The following ZNF716 variants were observed in gnomAD, a reference collection of about 807,000 sequenced individuals.
ZNF716 encodes the protein zinc finger protein 716.
In ZNF716, 9 loss-of-function variants were observed where a neutral mutation model predicts 13.4. That is an observed-to-expected ratio of 0.67 (90% CI 0.41 to 1.18). The LOEUF (loss-of-function observed/expected upper bound fraction) is 1.18, where lower values mean the gene tolerates loss of function less well. Among genes scored for constraint, ZNF716 ranks in the 50% most tolerant of loss-of-function variants. The pLI is 0.01. For missense variants in ZNF716, 581 were observed against 576.6 expected (o/e 1.01, Z -0.08); for synonymous variants, 186 against 195.2 (o/e 0.95, Z 0.39).
In ZNF716 at chr7:57,471,620, A is replaced by T. The variant is rs1554325304; in HGVS notation, c.*1671A>T. On this transcript the variant is annotated 3_prime_UTR_variant, in exon 4 of 4. Coordinates refer to ENST00000420713, the MANE Select transcript of ZNF716 (RefSeq NM_001159279.1). Reference sequence around the variant, plus strand: ...AACAGATGCTCAAACTTTGTTGAACATCGGAGAATTTATATTGGAGAGAAA... The same window carrying T: ...AACAGATGCTCAAACTTTGTTGAACTTCGGAGAATTTATATTGGAGAGAAA... 1.3e-5 allele frequency: 2 copies of T among 152,216 alleles called. No homozygotes were observed. Among genetic ancestry groups the T allele is most frequent in the African/African-American group, 4.8e-5 (2 of 41,456 alleles). 9.4% of individuals were successfully genotyped at this position (152,216 alleles called of 1,614,324 possible).
At chr7:57,467,101 A>G (rs542796026) in intron 3 of ZNF716, among the ~76,000 whole-genome samples, 1 of 152,194 alleles carries the variant, frequency 6.6e-6, no homozygotes, top group South Asian at 2.1e-4. Flanking sequence ...TTAATTTACA[A>G]CAGTATATTT....
chr7:57,463,582 T>G (rs564941105), intron 3 of ZNF716, among the ~76,000 whole-genome samples: 5 of 152,178 alleles, frequency 3.3e-5, no homozygotes, highest in Non-Finnish European at 7.3e-5. Context: ...TTGGAGGTTG[T>G]CCATTTTTCT....
At chr7:57,458,751 G>T (rs1789651021) in intron 1 of ZNF716, among the ~76,000 whole-genome samples, 1 of 152,096 alleles carries the variant, frequency 6.6e-6, no homozygotes, top group African/African-American at 2.4e-5. Flanking sequence ...TTTATAAATA[G>T]TTATTTAACT....
At chr7:57,461,644 G>T (rs1185091337) in intron 1 of ZNF716, among the ~76,000 whole-genome samples, 2 of 152,068 alleles carry the variant, frequency 1.3e-5, no homozygotes, top group Non-Finnish European at 2.9e-5. Flanking sequence ...CCATTTACTA[G>T]ATGTTTGACA....
At chr7:57,455,939 TG>T (rs1195266321) in intron 1 of ZNF716, among the ~76,000 whole-genome samples, 1 of 151,446 alleles carries the variant, frequency 6.6e-6, no homozygotes, top group Non-Finnish European at 1.5e-5. Context: ...TGGTTTTTTT[TG>T]TTTTTTTGTT....
rs781953250 is a variant in ZNF716, at chr7:57,468,978, A to G, written c.517A>G (p.Asn173Asp). ...AGTCTTTGGTAAATTTTCAAATTCC[A>G]ATAGACACAAGACAAGACATACTGG... ...VKVFGKFSNS[N>D]RHKTRHTGKK... is the part of the protein sequence containing the mutation. The change falls in exon 4 of 4, where the codon AAT (asparagine) becomes GAT (aspartate). Residue 173 changes from asparagine (N) to aspartate (D), a missense_variant. Asn to Asp is a conservative substitution (Grantham distance 23). Transcript: ENST00000420713. 1 of 1,608,150 alleles carries G rather than the reference A, an allele frequency of 6.2e-7. No individual in the cohort carries two copies. The highest frequency in any genetic ancestry group is 1.3e-5 in the African/African-American group (1 of 74,862).
intron 3 of ZNF716, among the ~76,000 whole-genome samples, chr7:57,466,583 A>C (rs561173581): frequency 6.6e-6 from 1 of 152,246 alleles, no homozygotes; most frequent in African/African-American, 2.4e-5. Context: ...GCCTTCCACT[A>C]TAATTGTAAG....
rs1554323322 is a variant in ZNF716 at position 57,462,531 on chromosome 7, G to T, written c.111G>T (p.Gln37His). Residue 37 changes from glutamine to histidine, a missense_variant, in exon 2 of 4, where the codon CAG becomes CAT. Physicochemically the swap from Gln to His is conservative, Grantham distance 24 (BLOSUM62 0). Transcript: ENST00000420713. ...AATGGCAATGCCTGGATCATGCTCA[G>T]CAGAATTTATATAGAGATGTGATGT... ...LAEWQCLDHA[Q>H]QNLYRDVMLE... 6.2e-7 allele frequency: 1 copy of T among 1,613,830 alleles called. No individual in the cohort carries two copies. The highest frequency in any genetic ancestry group is 8.5e-7 in the Non-Finnish European group (1 of 1,179,842).
chr7:57,465,657 T>A (rs11767674), intron 3 of ZNF716, among the ~76,000 whole-genome samples: 52,913 of 152,068 alleles, frequency 0.35, 9,573 homozygotes, highest in Admixed American at 0.42. Flanking sequence ...GCTGATCTTT[T>A]GAAATTTACT....
intron 1 of ZNF716, among the ~76,000 whole-genome samples, chr7:57,456,131 T>A (rs1554322149): frequency 6.6e-6 from 1 of 151,896 alleles, no homozygotes; most frequent in African/African-American, 2.4e-5. Context: ...AATTTTTGTA[T>A]TTTTAGTAGA....
chr7:57,465,703 A>T (rs1789795347), intron 3 of ZNF716, among the ~76,000 whole-genome samples: 1 of 152,210 alleles, frequency 6.6e-6, no homozygotes, highest in Non-Finnish European at 1.5e-5. Flanking sequence ...CACCAGGAGC[A>T]AATAAGAATA....
intron 1 of ZNF716, among the ~76,000 whole-genome samples, chr7:57,456,943 A>G (rs1789603347): frequency 6.6e-6 from 1 of 152,048 alleles, no homozygotes; most frequent in South Asian, 2.1e-4. Flanking sequence ...ACTTAGAGAA[A>G]AGGAATTGTG....
rs11434840 is a variant in ZNF716, at chr7:57,473,523, A to ATAAAT, written c.*3574_*3575insTAAAT. 52 of 151,706 alleles carry ATAAAT rather than the reference A, an allele frequency of 3.4e-4. No homozygotes were observed. Among genetic ancestry groups the ATAAAT allele is most frequent in the Middle Eastern group, 3.4e-3 (1 of 292 alleles). The allele number at this position is 151,706 out of a possible 1,614,324, so 9.4% of individuals were successfully genotyped here. ...TGAAAGAGCGAGAAACCATCTCAAAAAAAAAAATAAATAAATAAAAGATAT... is the reference window on the plus strand; with the variant it reads ...TGAAAGAGCGAGAAACCATCTCAAAATAAATAAAAAAATAAATAAATAAAAGATAT... On this transcript the variant is annotated 3_prime_UTR_variant, in exon 4 of 4. Coordinates refer to ENST00000420713, the MANE Select transcript of ZNF716 (RefSeq NM_001159279.1).
rs1554324497 is a variant in ZNF716 at position 57,468,727 on chromosome 7, C to T, written c.266C>T (p.Thr89Ile). The T allele has an allele frequency of 6.2e-7, 1 of 1,602,468 alleles. No individual in the cohort carries two copies. Among genetic ancestry groups the T allele is most frequent in the Admixed American group, 1.8e-5 (1 of 56,686 alleles). The change falls in exon 4 of 4, where the codon ACA becomes ATA. Residue 89 changes from threonine to isoleucine, a missense_variant. Thr to Ile is a moderately conservative substitution (Grantham distance 89). Coordinates refer to ENST00000420713, the MANE Select transcript of ZNF716 (RefSeq NM_001159279.1). ...TTGTGATTTTTATGTCTTTCAGTTA[C>T]ATGTTCTCATTTCACCCAAGACCTT... ...RNEMVAKHPV[T>I]CSHFTQDLQS... is the part of the protein sequence containing the mutation.
chr7:57,450,390 G>T, intron 1 of ZNF716, 63 bp downstream of exon 1: 1 of 1,613,320 alleles, frequency 6.2e-7, no homozygotes, highest in South Asian at 1.1e-5. Flanking sequence ...ACTGAAAGTG[G>T]CTGTAGCAGG....
At chr7:57,452,643 GA>G (rs1161015636) in intron 1 of ZNF716, among the ~76,000 whole-genome samples, 18 of 150,548 alleles carry the variant, frequency 1.2e-4, no homozygotes, top group African/African-American at 3.9e-4. Flanking sequence ...GTCTCAGAAA[GA>G]AAAAAAAAGA....
At chr7:57,455,804 C>T (rs1320759441) in intron 1 of ZNF716, among the ~76,000 whole-genome samples, 3 of 152,128 alleles carry the variant, frequency 2.0e-5, no homozygotes, top group Non-Finnish European at 2.9e-5. Context: ...AGACATGAGC[C>T]GTCGCGCCTG....
intron 1 of ZNF716, among the ~76,000 whole-genome samples, chr7:57,455,706 C>T (rs1789572805): frequency 6.6e-6 from 1 of 151,940 alleles, no homozygotes; most frequent in African/African-American, 2.4e-5. Flanking sequence ...TTAGTAAAGA[C>T]AGGATTTCAC....
chr7:57,450,235 G>C lies in ZNF716; in HGVS notation c.-54G>C. 2 of 1,612,490 alleles carry C rather than the reference G, an allele frequency of 1.2e-6. No individual in the cohort carries two copies. Among genetic ancestry groups the C allele is most frequent in the African/African-American group, 1.3e-5 (1 of 74,976 alleles). On this transcript the variant is annotated 5_prime_UTR_variant, in exon 1 of 4. Coordinates refer to ENST00000420713, the MANE Select transcript of ZNF716 (RefSeq NM_001159279.1). ...TTCTCTTCACTGCTCTGCGTCCTCT[G>C]CTCCTGGAGGCCAAGCCTCTGTGGC...
Sources: allele counts gnomAD v4.1 joint callset (sites outside exome capture counted in the v4.1 genomes callset), GRCh38; gene constraint gnomAD v4.1.1; transcripts MANE v1.5; gene names NCBI Gene and HGNC (gene_info 2026-07-23, HGNC 2026-07-21).